H2BC8: variants seen among roughly 807,000 people sequenced by gnomAD.
H2BC8 encodes histone H2B type 1-C/E/F/G/I.
H2BC8 carries 11 observed loss-of-function variants against 6.3 expected under a neutral mutation model. That is an observed-to-expected ratio of 1.75 (90% CI 1.10 to 2.89). H2BC8 has a LOEUF of 2.89. H2BC8 is among the 30% of genes most tolerant of loss of function. The pLI, the probability that H2BC8 is intolerant of heterozygous loss-of-function variation, is 0.00. For synonymous variants in H2BC8, 150 were observed against 65.8 expected (o/e 2.28, Z -6.19); for missense variants, 195 against 165.2 (o/e 1.18, Z -0.99).
In H2BC8 at chr6:26,216,530, G is replaced by T; in HGVS notation, c.114C>A (p.Tyr38Ter). ...KKRKRSRKESYSVYVYKVLKQ... is the reference protein window; with the variant it reads ...KKRKRSRKES ...TTAGCACCTTGTACACATACACGGA[G>T]TAGCTCTCCTTACGACTGCGCTTGC... The change falls in exon 1 of 1, where the codon TAC becomes TAA. Residue 38 changes from tyrosine (Y) to a stop codon, truncating the protein, a stop_gained. Transcript: ENST00000541790. LOFTEE classifies it high-confidence loss of function. 1 of 1,614,232 alleles carries T rather than the reference G, an allele frequency of 6.2e-7. No homozygotes were observed. Among genetic ancestry groups the T allele is most frequent in the Non-Finnish European group, 8.5e-7 (1 of 1,180,036 alleles).
At position 26,216,442 on chromosome 6, in the gene H2BC8, T is replaced by TA. The variant is rs1765402668; in HGVS notation, c.201dup (p.Asn68Ter). 6.2e-7 allele frequency: 1 copy of TA among 1,614,092 alleles called. No individual in the cohort carries two copies. The highest frequency in any genetic ancestry group is 1.7e-5 in the Admixed American group (1 of 59,992). ...CCTGCGATGCGTTCGAAGATGTCGTTAACGAAGGAATTCATGATGCCCATG... is the reference window on the plus strand; with the variant it reads ...CCTGCGATGCGTTCGAAGATGTCGTTAAACGAAGGAATTCATGATGCCCATG... On this transcript the variant is annotated frameshift_variant, in exon 1 of 1. Coordinates refer to ENST00000541790, the MANE Select transcript of H2BC8 (RefSeq NM_003518.4). LOFTEE classifies it high-confidence loss of function.
chr6:26,216,233 C>T lies in H2BC8; in HGVS notation c.*30G>A, dbSNP rs370513998. 3 of 1,549,674 alleles carry T rather than the reference C, an allele frequency of 1.9e-6. No homozygotes were observed. The highest frequency in any genetic ancestry group is 1.7e-6 in the Non-Finnish European group (2 of 1,148,760). On this transcript the variant is annotated 3_prime_UTR_variant, in exon 1 of 1. Coordinates refer to ENST00000541790, the MANE Select transcript of H2BC8 (RefSeq NM_003518.4). ...AGACTTGAGTGGCTCTGAAAAGAGC[C>T]TTTGAGTTTTAAAGCACCTAAGCAC... is the stretch of plus-strand genomic sequence containing the variant.
chr6:26,216,444 A>ACGAAGGAATTCATGATG lies in H2BC8; in HGVS notation c.183_199dup (p.Val67AlafsTer3), dbSNP rs1765402785. On this transcript the variant is annotated stop_gained and frameshift_variant, in exon 1 of 1. Transcript: ENST00000541790. LOFTEE classifies it high-confidence loss of function. The stretch of plus-strand genomic sequence containing the variant: ...TGCGATGCGTTCGAAGATGTCGTTA[A>ACGAAGGAATTCATGATG]CGAAGGAATTCATGATGCCCATGGC... The ACGAAGGAATTCATGATG allele has an allele frequency of 1.2e-6, 2 of 1,614,130 alleles. No individual in the cohort carries two copies. The highest frequency in any genetic ancestry group is 1.3e-5 in the African/African-American group (1 of 74,946).
At position 26,216,313 on chromosome 6, in the gene H2BC8, C is replaced by T. The variant is rs367765460; in HGVS notation, c.331G>A (p.Ala111Thr). 6.2e-7 allele frequency: 1 copy of T among 1,613,308 alleles called. No homozygotes were observed. Among genetic ancestry groups the T allele is most frequent in the Non-Finnish European group, 8.5e-7 (1 of 1,179,602 alleles). Residue 111 changes from alanine to threonine, a missense_variant, in exon 1 of 1, where the codon GCA becomes ACA. By Grantham distance (58) the Ala-to-Thr change is moderately conservative (BLOSUM62 0). Coordinates refer to ENST00000541790, the MANE Select transcript of H2BC8 (RefSeq NM_003518.4). ...LLLPGELAKHAVSEGTKAVTK... is the reference protein window; with the variant it reads ...LLLPGELAKHTVSEGTKAVTK... The stretch of plus-strand genomic sequence containing the variant: ...ACAGCCTTGGTACCTTCGGACACTG[C>T]GTGCTTGGCCAGCTCTCCGGGAAGC...
chr6:26,216,418 CT>C lies in H2BC8; in HGVS notation c.225del (p.Gly76AlafsTer?). 6.2e-7 allele frequency: 1 copy of C among 1,614,216 alleles called. No homozygotes were observed. The highest frequency in any genetic ancestry group is 1.1e-5 in the South Asian group (1 of 91,084). On this transcript the variant is annotated frameshift_variant, in exon 1 of 1. Transcript: ENST00000541790. LOFTEE classifies it high-confidence loss of function. Reference protein sequence around the residue: ...SFVNDIFERIAGEASRLAHYN... With the variant: ...SFVNDIFERIXGEASRLAHYN... ...TAGTGGGCCAGACGGGAAGCCTCGC[CT>C]GCGATGCGTTCGAAGATGTCGTTAA...
Position 26,216,568 on chromosome 6 carries a change from CCTT to C in H2BC8, c.73_75del (p.Lys25del), listed in dbSNP as rs763480943. 31 of 1,614,118 alleles carry C rather than the reference CCTT, an allele frequency of 1.9e-5. No homozygotes were observed. Among genetic ancestry groups the C allele is most frequent in the East Asian group, 6.7e-5 (3 of 44,902 alleles). On this transcript the variant is annotated inframe_deletion, in exon 1 of 1. Transcript: ENST00000541790. Reference sequence around the variant, plus strand: ...CGACTGCGCTTGCGCTTCTTGCCATCCTTCTTCTGCGCCTTGGTCACAGCCTTC... The same window carrying C: ...CGACTGCGCTTGCGCTTCTTGCCATCCTTCTGCGCCTTGGTCACAGCCTTC...
rs143774290 is a variant in H2BC8, at chr6:26,216,599, G to A, written c.45C>T (p.Ser15=). ...TCTGCGCCTTGGTCACAGCCTTCTT[G>A]GAACCCTTCTTCGGAGCAGGAGCTG... is the stretch of plus-strand genomic sequence containing the variant. The part of the protein sequence containing the change: ...AKSAPAPKKG[S]KKAVTKAQKK... Residue 15 remains serine, a synonymous_variant, in exon 1 of 1, where the codon TCC becomes TCT. Transcript: ENST00000541790. The A allele has an allele frequency of 2.5e-6, 4 of 1,614,122 alleles. No homozygotes were observed. Among genetic ancestry groups the A allele is most frequent in the Non-Finnish European group, 3.4e-6 (4 of 1,180,014 alleles).
In H2BC8 at chr6:26,216,465, ATGGCCT is replaced by A; in HGVS notation, c.173_178del (p.Lys58_Ala59del). On this transcript the variant is annotated inframe_deletion, in exon 1 of 1. Transcript: ENST00000541790. ...GTTAACGAAGGAATTCATGATGCCC[ATGGCCT>A]TGGATGAGATGCCAGTATCGGGGTG... is the stretch of plus-strand genomic sequence containing the variant. 1 of 1,614,228 alleles carries A rather than the reference ATGGCCT, an allele frequency of 6.2e-7. No homozygotes were observed. The highest frequency in any genetic ancestry group is 8.5e-7 in the Non-Finnish European group (1 of 1,180,038).
rs1765415942 is a variant in H2BC8 at position 26,216,677 on chromosome 6, A to G, written c.-34T>C. 6.3e-7 allele frequency: 1 copy of G among 1,584,498 alleles called. No homozygotes were observed. The highest frequency in any genetic ancestry group is 1.9e-5 in the Admixed American group (1 of 52,200). On this transcript the variant is annotated 5_prime_UTR_variant, in exon 1 of 1. Transcript: ENST00000541790. ...AAAACAATAACAGCAGTGAGAATGA[A>G]CGCACTTAAATAAAAGCTCGTGTCT... is the stretch of plus-strand genomic sequence containing the variant.
At position 26,216,325 on chromosome 6, in the gene H2BC8, G is replaced by C; in HGVS notation, c.319C>G (p.Leu107Val). The C allele has an allele frequency of 6.2e-7, 1 of 1,613,944 alleles. No individual in the cohort carries two copies. Among genetic ancestry groups the C allele is most frequent in the South Asian group, 1.1e-5 (1 of 91,074 alleles). The change falls in exon 1 of 1, where the codon CTG (leucine) becomes GTG (valine). Residue 107 changes from leucine to valine, a missense_variant. Physicochemically the swap from Leu to Val is conservative, Grantham distance 32 (BLOSUM62 1). Coordinates refer to ENST00000541790, the MANE Select transcript of H2BC8 (RefSeq NM_003518.4). ...TAVRLLLPGE[L>V]AKHAVSEGTK... is the part of the protein sequence containing the mutation. ...CCTTCGGACACTGCGTGCTTGGCCA[G>C]CTCTCCGGGAAGCAGCAGACGCACG...
chr6:26,216,425 G>T lies in H2BC8; in HGVS notation c.219C>A (p.Arg73=). Residue 73 remains arginine (R), a synonymous_variant, in exon 1 of 1, where the codon CGC becomes CGA. Transcript: ENST00000541790. ...MNSFVNDIFE[R]IAGEASRLAH... ...CCAGACGGGAAGCCTCGCCTGCGAT[G>T]CGTTCGAAGATGTCGTTAACGAAGG... 3.7e-6 allele frequency: 6 copies of T among 1,614,216 alleles called. No individual in the cohort carries two copies. The highest frequency in any genetic ancestry group is 5.1e-6 in the Non-Finnish European group (6 of 1,180,044).
At position 26,216,462 on chromosome 6, in the gene H2BC8, C is replaced by A; in HGVS notation, c.182G>T (p.Gly61Val). 1 of 1,614,204 alleles carries A rather than the reference C, an allele frequency of 6.2e-7. No individual in the cohort carries two copies. The highest frequency in any genetic ancestry group is 8.5e-7 in the Non-Finnish European group (1 of 1,180,044). The change falls in exon 1 of 1, where the codon GGC becomes GTC. Residue 61 changes from glycine (G) to valine (V), a missense_variant. Coordinates refer to ENST00000541790, the MANE Select transcript of H2BC8 (RefSeq NM_003518.4). Reference protein sequence around the residue: ...PDTGISSKAMGIMNSFVNDIF... With the variant: ...PDTGISSKAMVIMNSFVNDIF... ...GTCGTTAACGAAGGAATTCATGATGCCCATGGCCTTGGATGAGATGCCAGT... is the reference window on the plus strand; with the variant it reads ...GTCGTTAACGAAGGAATTCATGATGACCATGGCCTTGGATGAGATGCCAGT...
rs1219483033 is a variant in H2BC8, at chr6:26,216,554, G to C, written c.90C>G (p.Arg30=). The part of the protein sequence containing the change: ...TKAQKKDGKK[R]KRSRKESYSV... ...AGTAGCTCTCCTTACGACTGCGCTT[G>C]CGCTTCTTGCCATCCTTCTTCTGCG... The change falls in exon 1 of 1, where the codon CGC becomes CGG. Residue 30 remains arginine, a synonymous_variant. Transcript: ENST00000541790. 3.7e-6 allele frequency: 6 copies of C among 1,614,222 alleles called. No homozygotes were observed. Among genetic ancestry groups the C allele is most frequent in the Admixed American group, 1.7e-5 (1 of 60,026 alleles).
Position 26,216,645 on chromosome 6 carries a change from C to T in H2BC8, c.-2G>A. 1 of 1,608,752 alleles carries T rather than the reference C, an allele frequency of 6.2e-7. No individual in the cohort carries two copies. The highest frequency in any genetic ancestry group is 1.3e-5 in the African/African-American group (1 of 74,658). On this transcript the variant is annotated 5_prime_UTR_variant, in exon 1 of 1. Transcript: ENST00000541790. ...AGCTGACTTAGCTGGTTCAGGCATG[C>T]TGTCAGAAAACAATAACAGCAGTGA...
chr6:26,216,347 C>T lies in H2BC8; in HGVS notation c.297G>A (p.Val99=), dbSNP rs143613920. 10 of 1,614,124 alleles carry T rather than the reference C, an allele frequency of 6.2e-6. No individual in the cohort carries two copies. In the African/African-American group the frequency reaches 6.7e-5, roughly 11 times the overall value. ...TITSREIQTA[V]RLLLPGELAK... The stretch of plus-strand genomic sequence containing the variant: ...CCAGCTCTCCGGGAAGCAGCAGACG[C>T]ACGGCGGTCTGGATCTCCCTGGAGG... The change falls in exon 1 of 1, where the codon GTG becomes GTA. Residue 99 remains valine (V), a synonymous_variant. Transcript: ENST00000541790.
In H2BC8 at chr6:26,216,247, G is replaced by A. The variant is rs374205944; in HGVS notation, c.*16C>T. The A allele has an allele frequency of 2.6e-6, 4 of 1,561,986 alleles. No homozygotes were observed. The highest frequency in any genetic ancestry group is 1.2e-5 in the South Asian group (1 of 83,200). On this transcript the variant is annotated 3_prime_UTR_variant, in exon 1 of 1. Coordinates refer to ENST00000541790, the MANE Select transcript of H2BC8 (RefSeq NM_003518.4). Reference sequence around the variant, plus strand: ...CTGAAAAGAGCCTTTGAGTTTTAAAGCACCTAAGCACACATTTACTTGGAG... The same window carrying A: ...CTGAAAAGAGCCTTTGAGTTTTAAAACACCTAAGCACACATTTACTTGGAG...
Position 26,216,682 on chromosome 6 carries a change from C to T in H2BC8, c.-39G>A. Reference sequence around the variant, plus strand: ...AATAACAGCAGTGAGAATGAACGCACTTAAATAAAAGCTCGTGTCTAGAGT... The same window carrying T: ...AATAACAGCAGTGAGAATGAACGCATTTAAATAAAAGCTCGTGTCTAGAGT... On this transcript the variant is annotated 5_prime_UTR_variant, in exon 1 of 1. It adds an upstream start codon to the 5' untranslated region. Coordinates refer to ENST00000541790, the MANE Select transcript of H2BC8 (RefSeq NM_003518.4). 4 of 1,576,460 alleles carry T rather than the reference C, an allele frequency of 2.5e-6. No individual in the cohort carries two copies. Among genetic ancestry groups the T allele is most frequent in the Non-Finnish European group, 3.4e-6 (4 of 1,165,144 alleles).
Position 26,216,389 on chromosome 6 carries a change from G to A in H2BC8, c.255C>T (p.Asn85=), listed in dbSNP as rs750019670. ...AGEASRLAHY[N]KRSTITSREI... ...CCCTGGAGGTAATGGTCGAGCGCTT[G>A]TTGTAGTGGGCCAGACGGGAAGCCT... The change falls in exon 1 of 1, where the codon AAC becomes AAT. Residue 85 remains asparagine, a synonymous_variant. Transcript: ENST00000541790. 6 of 1,614,228 alleles carry A rather than the reference G, an allele frequency of 3.7e-6. No individual in the cohort carries two copies. In the South Asian group the frequency reaches 5.5e-5, roughly 15 times the overall value.
Position 26,216,258 on chromosome 6 carries a change from C to T in H2BC8, c.*5G>A, listed in dbSNP as rs780946079. ...CTTTGAGTTTTAAAGCACCTAAGCA[C>T]ACATTTACTTGGAGCTTGTATACTT... On this transcript the variant is annotated 3_prime_UTR_variant, in exon 1 of 1. Transcript: ENST00000541790. 2 of 1,591,324 alleles carry T rather than the reference C, an allele frequency of 1.3e-6. No individual in the cohort carries two copies. The highest frequency in any genetic ancestry group is 1.7e-5 in the Admixed American group (1 of 57,348).
Sources: gnomAD v4.1 joint callset for allele counts on GRCh38, gnomAD v4.1.1 for gene constraint, MANE v1.5 for transcripts, NCBI Gene and HGNC (gene_info 2026-07-23, HGNC 2026-07-21) for gene names.